Variants in PCDH9 observed in about 807,000 individuals in gnomAD.
PCDH9 encodes protocadherin-9.
Under a neutral mutation model 70.6 loss-of-function variants are expected in PCDH9, and 24 were observed. The observed-to-expected ratio is 0.34, with a 90% CI of 0.25 to 0.48. The LOEUF (loss-of-function observed/expected upper bound fraction) is 0.48, where lower values mean the gene tolerates loss of function less well. PCDH9 is among the 20% of genes least tolerant of loss of function. PCDH9 has a pLI of 0.99. For missense variants in PCDH9, 1,281 were observed against 1,503.6 expected (o/e 0.85, Z 2.45); for synonymous variants, 562 against 558.5 (o/e 1.01, Z -0.09).
chr13:66,700,419 C>A lies in PCDH9; in HGVS notation c.3139-69008G>T, dbSNP rs118097052. Among the ~76,000 whole-genome samples the A allele has an allele frequency of 2.7e-4, 41 of 152,080 alleles. No individual in the cohort carries two copies. The East Asian group carries it at 7.3e-3, about 27-fold the overall frequency. ...AATTGTGATTAAAACTAATATGAGC[C>A]GTTGATAAAACATGGGATTCTAAGC... is the stretch of plus-strand genomic sequence containing the variant. On this transcript the variant is annotated intron_variant, in intron 3 of 4. Transcript: ENST00000377865.
At chr13:67,016,054 T>C (rs1375740520) in intron 2 of PCDH9, among the ~76,000 whole-genome samples, 2 of 152,252 alleles carry the variant, frequency 1.3e-5, no homozygotes, top group East Asian at 3.9e-4. Context: ...TATAACCTGA[T>C]TTTTGATGAG....
chr13:66,362,845 A>G (rs564009121), intron 4 of PCDH9, among the ~76,000 whole-genome samples: 2 of 152,074 alleles, frequency 1.3e-5, no homozygotes, highest in Non-Finnish European at 2.9e-5. Context: ...AACATCTTAC[A>G]CAAGGCACAT....
At chr13:66,664,642 C>T (rs529438648) in intron 3 of PCDH9, among the ~76,000 whole-genome samples, 12 of 152,124 alleles carry the variant, frequency 7.9e-5, no homozygotes, top group Non-Finnish European at 1.2e-4. Flanking sequence ...AAATGGAAAA[C>T]GTGACTTATT....
intron 3 of PCDH9, among the ~76,000 whole-genome samples, chr13:66,666,352 C>A (rs182027075): frequency 6.6e-6 from 1 of 152,060 alleles, no homozygotes; most frequent in South Asian, 2.1e-4. Context: ...GATGTCTGGT[C>A]GTGGTTCCAG....
intron 3 of PCDH9, among the ~76,000 whole-genome samples, chr13:66,767,369 A>G (rs909374589): frequency 3.9e-5 from 6 of 152,208 alleles, no homozygotes; most frequent in Non-Finnish European, 8.8e-5. Flanking sequence ...CTGGCGATTT[A>G]CTTTTCATTC....
intron 2 of PCDH9, among the ~76,000 whole-genome samples, chr13:67,078,943 T>A (rs965128978): frequency 6.6e-6 from 1 of 152,098 alleles, no homozygotes; most frequent in African/African-American, 2.4e-5. Context: ...GGACCTAGTC[T>A]ACAAATCAGA....
chr13:67,141,280 T>C (rs576016810), intron 2 of PCDH9, among the ~76,000 whole-genome samples: 1 of 151,818 alleles, frequency 6.6e-6, no homozygotes, highest in East Asian at 1.9e-4. Context: ...AGATTAGTAG[T>C]GGGAAGAAGA....
intron 3 of PCDH9, among the ~76,000 whole-genome samples, chr13:66,667,751 A>C (rs2078116303): frequency 6.6e-6 from 1 of 152,132 alleles, no homozygotes; most frequent in Admixed American, 6.5e-5. Context: ...ATACACATCT[A>C]GTATTATGCA....
At chr13:66,329,552 T>G (rs927452728) in intron 4 of PCDH9, among the ~76,000 whole-genome samples, 1 of 152,166 alleles carries the variant, frequency 6.6e-6, no homozygotes, top group Non-Finnish European at 1.5e-5. Context: ...GTAAAGAGAA[T>G]GTCCCCAGTT....
intron 4 of PCDH9, among the ~76,000 whole-genome samples, chr13:66,561,854 T>C (rs9540820): frequency 0.23 from 35,577 of 151,964 alleles, 4,725 homozygotes; most frequent in South Asian, 0.34. Context: ...GAGTCAGCAG[T>C]GGCAACCCGC....
At chr13:66,787,015 A>G (rs1268834191) in intron 3 of PCDH9, among the ~76,000 whole-genome samples, 2 of 152,202 alleles carry the variant, frequency 1.3e-5, no homozygotes, top group East Asian at 1.9e-4. Context: ...TTTATCCAAC[A>G]TCTTAACCAA....
chr13:66,958,646 T>C (rs1352556612), intron 2 of PCDH9, among the ~76,000 whole-genome samples: 2 of 152,206 alleles, frequency 1.3e-5, no homozygotes, highest in African/African-American at 4.8e-5. Context: ...AGTCTATTCA[T>C]TGATGTAATT....
At chr13:67,097,071 C>T (rs1343176672) in intron 2 of PCDH9, among the ~76,000 whole-genome samples, 2 of 147,362 alleles carry the variant, frequency 1.4e-5, no homozygotes, top group East Asian at 2.0e-4. Context: ...AATGGTGAAA[C>T]CCTATCTCTA....
chr13:67,127,032 G>C (rs1406322571), intron 2 of PCDH9, among the ~76,000 whole-genome samples: 1 of 151,980 alleles, frequency 6.6e-6, no homozygotes, highest in Non-Finnish European at 1.5e-5. Context: ...GTCTTAGGTG[G>C]GAAACAATGG....
At chr13:66,377,057 G>A (rs1379285271) in intron 4 of PCDH9, among the ~76,000 whole-genome samples, 7 of 152,130 alleles carry the variant, frequency 4.6e-5, no homozygotes, top group African/African-American at 1.2e-4. Context: ...TAATAGGTAC[G>A]GAGAGAATTT....
intron 4 of PCDH9, among the ~76,000 whole-genome samples, chr13:66,494,201 T>G (rs908307329): frequency 6.6e-6 from 1 of 152,114 alleles, no homozygotes; most frequent in Non-Finnish European, 1.5e-5. Context: ...AAAAGAATTT[T>G]CGATGTAAAG....
At chr13:66,782,658 C>G (rs1048390118) in intron 3 of PCDH9, 20 of 152,030 alleles carry the variant, frequency 1.3e-4, no homozygotes, top group African/African-American at 4.8e-4. Flanking sequence ...TTCGCCATTC[C>G]TTTTATTTTT....
intron 2 of PCDH9, among the ~76,000 whole-genome samples, chr13:67,063,382 C>T (rs1476287639): frequency 1.3e-5 from 2 of 152,094 alleles, no homozygotes; most frequent in Non-Finnish European, 2.9e-5. Context: ...TTATTAAGGT[C>T]CAACTACATG....
chr13:66,646,917 T>C (rs1593833074), intron 3 of PCDH9, among the ~76,000 whole-genome samples: 2 of 152,198 alleles, frequency 1.3e-5, no homozygotes, highest in African/African-American at 2.4e-5. Context: ...GCAGTGATTG[T>C]GAGACTTTGC....
Sources: gnomAD v4.1 joint callset for allele counts (sites outside exome capture counted in the v4.1 genomes callset) on GRCh38, gnomAD v4.1.1 for gene constraint, MANE v1.5 for transcripts, NCBI Gene and HGNC (gene_info 2026-07-23, HGNC 2026-07-21) for gene names.